Variants in MED16 observed in about 807,000 individuals in gnomAD.
MED16 encodes the protein mediator of RNA polymerase II transcription subunit 16.
In MED16, 81 loss-of-function variants were observed where a neutral mutation model predicts 84.4. The ratio of observed to expected loss-of-function variants is 0.96; its 90% CI spans 0.80 to 1.15. The LOEUF (loss-of-function observed/expected upper bound fraction) is 1.15. Ranked by LOEUF, MED16 falls within the 50% of genes most tolerant of loss-of-function variation. The pLI is 0.00. For missense variants in MED16, 1,585 were observed against 1,245.9 expected (o/e 1.27, Z -4.10); for synonymous variants, 897 against 552.2 (o/e 1.62, Z -8.76).
At chr19:886,313 C>A in intron 4 of MED16, 112 bp from the exon 5 acceptor site, 1 of 969,448 alleles carries the variant, frequency 1.0e-6, no homozygotes, top group Non-Finnish European at 1.5e-6. Flanking sequence ...AGTGTGTGCA[C>A]CTGGGTTCAG....
At chr19:875,056 T>C (rs1478269417) in intron 10 of MED16, among the ~76,000 whole-genome samples, 188 bp downstream of exon 10, 2 of 151,724 alleles carry the variant, frequency 1.3e-5, no homozygotes, top group Non-Finnish European at 2.9e-5. Context: ...CCCAGCTACT[T>C]GGGAGGCTGA....
chr19:881,326 T>C lies in MED16; in HGVS notation c.1141+233A>G, dbSNP rs117552999. Reference sequence around the variant, plus strand: ...TGTTGATTTGCAATGACTCTTTACATATTAAAGAACACTGGATCTGTCTGC... The same window carrying C: ...TGTTGATTTGCAATGACTCTTTACACATTAAAGAACACTGGATCTGTCTGC... On this transcript the variant is annotated intron_variant, in intron 7 of 15. Coordinates refer to ENST00000325464, the MANE Select transcript of MED16 (RefSeq NM_005481.3). Among the ~76,000 whole-genome samples the C allele has an allele frequency of 4.1e-3, 629 of 152,264 alleles. 18 individuals are homozygous for C. Among genetic ancestry groups the C allele is most frequent in the Admixed American group, 0.034 (519 of 15,290 alleles).
rs995030567 is a variant in MED16, at chr19:873,259, C to T, written c.1905+190G>A. Reference sequence around the variant, plus strand: ...CTCCAAGTAGGGGTGGGACTCCAACCAGGGGCGGGGCTGAGGTGGGACTCC... The same window carrying T: ...CTCCAAGTAGGGGTGGGACTCCAACTAGGGGCGGGGCTGAGGTGGGACTCC... On this transcript the variant is annotated intron_variant, in intron 11 of 15. Coordinates refer to ENST00000325464, the MANE Select transcript of MED16 (RefSeq NM_005481.3). 2.4e-3 allele frequency among the ~76,000 whole-genome samples: 212 copies of T among 89,252 alleles called. 2 individuals carry two copies. Among genetic ancestry groups the T allele is most frequent in the Admixed American group, 0.016 (111 of 6,750 alleles). The allele number at this position is 89,252 out of a possible 152,430, so 58.6% of individuals were successfully genotyped here. A position where few individuals can be genotyped will look rare whatever the true frequency, so the allele number is the denominator to read the frequency against.
intron 13 of MED16, among the ~76,000 whole-genome samples, chr19:870,720 G>A (rs796882817): frequency 6.6e-6 from 1 of 151,776 alleles, no homozygotes; most frequent in Non-Finnish European, 1.5e-5. Context: ...AACATGGAGG[G>A]AAGGAGCCGT....
chr19:868,908 A>T lies in MED16; in HGVS notation c.2354T>A (p.Leu785Gln), dbSNP rs958763084. 9.7e-6 allele frequency: 15 copies of T among 1,551,878 alleles called. No homozygotes were observed. In the African/African-American group the frequency reaches 1.8e-4, roughly 18 times the overall value. ...GQPKIDHLRR[L>Q]HLGACPTEEC... ...CTCCGTGGGGCAAGCGCCAAGGTGC[A>T]GCCTCCGCAGGTGGTCGATCTTGGG... The change falls in exon 14 of 16, where the codon CTG (leucine) becomes CAG (glutamine). Residue 785 changes from leucine to glutamine, a missense_variant. Transcript: ENST00000325464.
Position 876,955 on chromosome 19 carries a change from ACCTGCCAC to A in MED16, c.1560+11_1560+18del, listed in dbSNP as rs1568324757. On this transcript the variant is annotated intron_variant, in intron 9 of 15. Transcript: ENST00000325464. ...GGGCCCCCACCTGCCACGGGGCCCCACCTGCCACGGGCCCCCACCTGCTGCAGGGCAGC... is the reference window on the plus strand; with the variant it reads ...GGGCCCCCACCTGCCACGGGGCCCCAGGGCCCCCACCTGCTGCAGGGCAGC... 16 of 1,597,758 alleles carry A rather than the reference ACCTGCCAC, an allele frequency of 1.0e-5. No homozygotes were observed. The highest frequency in any genetic ancestry group is 6.8e-5 in the African/African-American group (5 of 73,884).
chr19:877,706 C>G (rs1314261771), intron 8 of MED16, among the ~76,000 whole-genome samples: 1 of 140,942 alleles, frequency 7.1e-6, no homozygotes, highest in Admixed American at 7.0e-5. Flanking sequence ...GTTGTCAATG[C>G]CCACCAGCCC....
At position 885,866 on chromosome 19, in the gene MED16, G is replaced by C. The variant is rs553423636; in HGVS notation, c.783C>G (p.Pro261=). The C allele has an allele frequency of 1.2e-6, 2 of 1,613,802 alleles. No individual in the cohort carries two copies. The highest frequency in any genetic ancestry group is 8.5e-7 in the Non-Finnish European group (1 of 1,179,970). ...EKCRIDTEIL[P]SLFMRCTTDL... ...CGGTGGTGCAGCGCATGAACAGGGAGGGCAGGATCTCCGTGTCGATACGGC... is the reference window on the plus strand; with the variant it reads ...CGGTGGTGCAGCGCATGAACAGGGACGGCAGGATCTCCGTGTCGATACGGC... The change falls in exon 5 of 16, where the codon CCC becomes CCG. Residue 261 remains proline (P), a synonymous_variant. Coordinates refer to ENST00000325464, the MANE Select transcript of MED16 (RefSeq NM_005481.3).
Position 870,620 on chromosome 19 carries a change from G to A in MED16, c.2315+417C>T, listed in dbSNP as rs76960739. On this transcript the variant is annotated intron_variant, in intron 13 of 15. Transcript: ENST00000325464. ...AATGGAAGGGCTGGGTGCCCGTGTT[G>A]GGGGTGGTTCGTGACACAGCAGAAG... Among the ~76,000 whole-genome samples the A allele has an allele frequency of 4.0e-3, 611 of 151,854 alleles. 6 individuals are homozygous for A. Among genetic ancestry groups the A allele is most frequent in the African/African-American group, 0.014 (588 of 41,384 alleles).
chr19:878,913 ACCAGCC>A lies in MED16; in HGVS notation c.1353+1018_1353+1023del, dbSNP rs748094812. 4.5e-4 allele frequency among the ~76,000 whole-genome samples: 37 copies of A among 82,014 alleles called. No homozygotes were observed. In the East Asian group the frequency reaches 4.6e-3, roughly 10 times the overall value. 53.8% of individuals were successfully genotyped at this position (82,014 alleles called of 152,430 possible). A position where few individuals can be genotyped will look rare whatever the true frequency, so the allele number is the denominator to read the frequency against. ...CACCTTTCCCTGGTTGTCAATGTCCACCAGCCCCGGCCCCGGCCCCGGCCCCGGCCC... is the reference window on the plus strand; with the variant it reads ...CACCTTTCCCTGGTTGTCAATGTCCACCGGCCCCGGCCCCGGCCCCGGCCC... On this transcript the variant is annotated intron_variant, in intron 8 of 15. Transcript: ENST00000325464.
At chr19:891,474 G>C (rs1297918830) in intron 1 of MED16, among the ~76,000 whole-genome samples, 1 of 152,204 alleles carries the variant, frequency 6.6e-6, no homozygotes, top group East Asian at 1.9e-4. Context: ...GCAGCGGAGG[G>C]TCTGCGCTGG....
intron 2 of MED16, 135 bp downstream of exon 2, chr19:890,828 G>T: frequency 1.0e-6 from 1 of 973,914 alleles, no homozygotes; most frequent in Non-Finnish European, 1.5e-6. Flanking sequence ...TCTCACACAA[G>T]TTACAGAGGA....
chr19:883,958 G>A (rs1240679381), intron 6 of MED16, among the ~76,000 whole-genome samples: 1 of 152,170 alleles, frequency 6.6e-6, no homozygotes, highest in Non-Finnish European at 1.5e-5. Context: ...CCTGGGGGAA[G>A]GAATGGCAGT....
intron 7 of MED16, among the ~76,000 whole-genome samples, chr19:880,622 A>G (rs1409041941): frequency 2.6e-5 from 4 of 152,228 alleles, no homozygotes; most frequent in African/African-American, 9.6e-5. Flanking sequence ...GAGTCCCTGC[A>G]GTAGAGAGGC....
intron 5 of MED16, among the ~76,000 whole-genome samples, chr19:885,550 C>G (rs967176633): frequency 6.6e-6 from 1 of 152,118 alleles, no homozygotes; most frequent in Non-Finnish European, 1.5e-5. Flanking sequence ...GCTGTGGCCA[C>G]GAAGCGGGAG....
chr19:871,630 G>T, intron 12 of MED16: 1 of 1,595,302 alleles, frequency 6.3e-7, no homozygotes, highest in Non-Finnish European at 8.5e-7. Flanking sequence ...CATCCCAAAA[G>T]CACCCACACA....
At chr19:871,005 G>A (rs752262164) in intron 13 of MED16, 32 bp downstream of exon 13, 1 of 1,519,046 alleles carries the variant, frequency 6.6e-7, no homozygotes, top group Non-Finnish European at 8.9e-7. Context: ...AAGGAGTCCT[G>A]TGTTTGGGGA....
chr19:876,821 C>CG (rs1568324380), intron 9 of MED16, among the ~76,000 whole-genome samples, 153 bp downstream of exon 9: 1 of 151,548 alleles, frequency 6.6e-6, no homozygotes, highest in African/African-American at 2.4e-5. Context: ...TTACTGACCA[C>CG]GGGGCCCCTG....
intron 9 of MED16, among the ~76,000 whole-genome samples, chr19:876,590 G>A (rs948992766): frequency 6.6e-6 from 1 of 152,016 alleles, no homozygotes; most frequent in African/African-American, 2.4e-5. Context: ...TCTCTGAGGT[G>A]CAGCTTTCCT....
Sources: gnomAD v4.1 joint callset for allele counts (sites outside exome capture counted in the v4.1 genomes callset) on GRCh38, gnomAD v4.1.1 for gene constraint, MANE v1.5 for transcripts, NCBI Gene and HGNC (gene_info 2026-07-23, HGNC 2026-07-21) for gene names.